The following DOCK11 variants were observed in gnomAD, a reference collection of about 807,000 sequenced individuals.
DOCK11 encodes the protein dedicator of cytokinesis 11, also known as dedicator of cytokinesis protein 11.
DOCK11 carries 70 observed loss-of-function variants against 169.1 expected under a neutral mutation model. The observed-to-expected ratio is 0.41, with a 90% CI of 0.34 to 0.51. DOCK11 has a LOEUF of 0.51. DOCK11 is among the 20% of genes least tolerant of loss of function. DOCK11 has a pLI of 0.10. For synonymous variants in DOCK11, 529 were observed against 541.3 expected (o/e 0.98, Z 0.32); for missense variants, 1,166 against 1,538.8 (o/e 0.76, Z 4.05).
chrX:118,620,795 A>T (rs1276257782), intron 31 of DOCK11, among the ~76,000 whole-genome samples: 1 of 112,227 alleles, frequency 8.9e-6, no homozygotes, highest in East Asian at 2.8e-4. Flanking sequence ...GGGGAAAAGG[A>T]TCTTATGCCA....
chrX:118,515,717 T>C (rs1310405966), intron 1 of DOCK11, among the ~76,000 whole-genome samples: 1 of 108,565 alleles, frequency 9.2e-6, no homozygotes, highest in Non-Finnish European at 1.9e-5. Context: ...CCTCCTAAGA[T>C]AGTTGTTGAT....
At chrX:118,504,850 C>G (rs143590892) in intron 1 of DOCK11, among the ~76,000 whole-genome samples, 28,481 of 110,999 alleles carry the variant, frequency 0.26, 3,016 homozygotes, top group Middle Eastern at 0.4. Flanking sequence ...TCTCAGTTAG[C>G]TGCCATTGCC....
In DOCK11 at chrX:118,673,116, GA is replaced by G. The variant is rs772544574; in HGVS notation, c.5199+1973del. On this transcript the variant is annotated intron_variant, in intron 46 of 52. Transcript: ENST00000276202. ...GTCCCCATTTTTTGACTCTTAGGAT[GA>G]AGGAAGTTCTGGCTGTTAGAAACCC... Among the ~76,000 whole-genome samples, 142 of 112,133 alleles carry G rather than the reference GA, an allele frequency of 1.3e-3. 4 individuals carry two copies. The South Asian group carries it at 0.028, about 22-fold the overall frequency.
chrX:118,676,861 G>GA lies in DOCK11; in HGVS notation c.5460+127dup, dbSNP rs766448735. 3.5e-5 allele frequency: 22 copies of GA among 631,343 alleles called. 1 individual carries two copies. The East Asian group carries it at 7.9e-4, about 23-fold the overall frequency. The allele number at this position is 631,343 out of a possible 1,213,427, so 52.0% of individuals were successfully genotyped here. On this transcript the variant is annotated intron_variant, in intron 48 of 52. Transcript: ENST00000276202. ...AAACAGAGCTTTCCAGATAATAAAAGAAAGAACAGGGGCTTTGGAGTCAGA... is the reference window on the plus strand; with the variant it reads ...AAACAGAGCTTTCCAGATAATAAAAGAAAAGAACAGGGGCTTTGGAGTCAGA...
At chrX:118,632,849 G>A (rs958589164) in intron 35 of DOCK11, 5 of 107,978 alleles carry the variant, frequency 4.6e-5, no homozygotes, top group African/African-American at 1.7e-4. Context: ...TTATTATATC[G>A]TGAGAAAAGG....
intron 38 of DOCK11, 64 bp from the exon 39 acceptor site, chrX:118,641,126 T>A (rs1014269185): frequency 8.3e-5 from 71 of 854,870 alleles, no homozygotes; most frequent in Non-Finnish European, 1.1e-4. Context: ...GGGTAGAAAG[T>A]CATTCAACAC....
intron 52 of DOCK11, 68 bp downstream of exon 52, chrX:118,683,285 A>G: frequency 9.1e-7 from 1 of 1,100,279 alleles, no homozygotes; most frequent in Non-Finnish European, 1.2e-6. Flanking sequence ...TTAGCAAAAT[A>G]TAATGGTTCA....
intron 6 of DOCK11, among the ~76,000 whole-genome samples, chrX:118,555,371 AC>A (rs767252004): frequency 9.1e-6 from 1 of 110,257 alleles, no homozygotes. Flanking sequence ...CCTGGGCAAC[AC>A]GGTGAAACCC....
chrX:118,656,166 C>A (rs943371993), intron 44 of DOCK11, among the ~76,000 whole-genome samples: 1 of 110,326 alleles, frequency 9.1e-6, no homozygotes, highest in Admixed American at 9.7e-5. Context: ...TGTCACATGC[C>A]TGTGGTTCCA....
At chrX:118,529,650 A>G (rs994786664) in intron 1 of DOCK11, among the ~76,000 whole-genome samples, 1 of 112,176 alleles carries the variant, frequency 8.9e-6, no homozygotes, top group African/African-American at 3.2e-5. Context: ...AAAAGGAAAC[A>G]TCAGGCACTG....
intron 1 of DOCK11, among the ~76,000 whole-genome samples, chrX:118,505,082 G>C (rs772057124): frequency 3.6e-5 from 4 of 112,447 alleles, no homozygotes; most frequent in Non-Finnish European, 5.6e-5. Flanking sequence ...GGAGTGCAGT[G>C]ACACGAACTT....
chrX:118,605,394 T>G, intron 24 of DOCK11, 38 bp downstream of exon 24: 1 of 966,080 alleles, frequency 1.0e-6, no homozygotes, highest in Non-Finnish European at 1.4e-6. Flanking sequence ...TGCTATTTAT[T>G]TGAGATCTTT....
At chrX:118,661,528 T>G (rs2016214179) in intron 44 of DOCK11, among the ~76,000 whole-genome samples, 1 of 111,984 alleles carries the variant, frequency 8.9e-6, no homozygotes, top group Admixed American at 9.5e-5. Context: ...TACTTAATTG[T>G]AAGTAAAGGT....
chrX:118,601,677 G>C (rs188371488), intron 23 of DOCK11, among the ~76,000 whole-genome samples: 6 of 111,790 alleles, frequency 5.4e-5, no homozygotes, highest in African/African-American at 1.6e-4. Flanking sequence ...TGTGACCTAC[G>C]CTCTCCCTCT....
chrX:118,683,280 A>G, intron 52 of DOCK11, 63 bp downstream of exon 52: 3 of 1,118,004 alleles, frequency 2.7e-6, no homozygotes, highest in Non-Finnish European at 3.6e-6. Context: ...GTTGCTTAGC[A>G]AAATATAATG....
In DOCK11 at chrX:118,527,396, T is replaced by C. The variant is rs754020585; in HGVS notation, c.103-15329T>C. On this transcript the variant is annotated intron_variant, in intron 1 of 52. Coordinates refer to ENST00000276202, the MANE Select transcript of DOCK11 (RefSeq NM_144658.4). Reference sequence around the variant, plus strand: ...TTAGTTAAGAATTTCCCTCTCTTACTTTTGGAGCAACAAATATTTGTTGGT... The same window carrying C: ...TTAGTTAAGAATTTCCCTCTCTTACCTTTGGAGCAACAAATATTTGTTGGT... 1.5e-4 allele frequency among the ~76,000 whole-genome samples: 17 copies of C among 112,287 alleles called. No homozygotes were observed. In the South Asian group the frequency reaches 3.6e-3, roughly 24 times the overall value.
At chrX:118,516,005 A>C (rs9988270) in intron 1 of DOCK11, among the ~76,000 whole-genome samples, 19 of 6,208 alleles carry the variant, frequency 3.1e-3, no homozygotes, top group East Asian at 0.012. Flanking sequence ...ATTTGGGCAA[A>C]TATATATATA....
intron 31 of DOCK11, among the ~76,000 whole-genome samples, chrX:118,619,395 A>G (rs1484343256): frequency 9.9e-6 from 1 of 100,918 alleles, no homozygotes; most frequent in African/African-American, 3.6e-5. Flanking sequence ...AATCACTTGA[A>G]CTGGGGAGGC....
At chrX:118,647,983 A>G (rs1354882639) in intron 40 of DOCK11, among the ~76,000 whole-genome samples, 1 of 50,907 alleles carries the variant, frequency 2.0e-5, no homozygotes, top group Non-Finnish European at 3.3e-5. Context: ...TATATAATAT[A>G]TAATAATATA....
Sources: gnomAD v4.1 joint callset for allele counts (sites outside exome capture counted in the v4.1 genomes callset) on GRCh38, gnomAD v4.1.1 for gene constraint, MANE v1.5 for transcripts, NCBI Gene and HGNC (gene_info 2026-07-23, HGNC 2026-07-21) for gene names.